SERPINA12: variants seen among roughly 807,000 people sequenced by gnomAD.
SERPINA12 encodes the protein serpin A12.
SERPINA12 carries 21 observed loss-of-function variants against 25.9 expected under a neutral mutation model. That is an observed-to-expected ratio of 0.81 (90% CI 0.58 to 1.17). The LOEUF is 1.17. SERPINA12 is among the 50% of genes most tolerant of loss of function. The pLI, the probability that SERPINA12 is intolerant of heterozygous loss-of-function variation, is 0.00. For synonymous variants in SERPINA12, 220 were observed against 196.0 expected, an observed-to-expected ratio of 1.12 and a Z score of -1.02; for missense variants, 562 against 508.3, an observed-to-expected ratio of 1.11 and a Z score of -1.02.
At chr14:94,500,999 G>T (rs1900693424) in intron 1 of SERPINA12, 2 of 985,206 alleles carry the variant, frequency 2.0e-6, no homozygotes, top group South Asian at 9.4e-5. Flanking sequence ...TGCTCTCTAA[G>T]CACCTTCTAC....
At position 94,487,366 on chromosome 14, in the gene SERPINA12, A is replaced by G. The variant is rs745438558; in HGVS notation, c.1182T>C (p.Ile394=). 1.2e-6 allele frequency: 2 copies of G among 1,614,124 alleles called. No individual in the cohort carries two copies. Among genetic ancestry groups the G allele is most frequent in the Admixed American group, 1.7e-5 (1 of 60,014 alleles). The part of the protein sequence containing the change: ...VKIDKPYLLL[I]YSEKIPSVLF... ...GCACGGAAGGTATTTTCTCGCTGTA[A>G]ATCAGCAGCAGATAGGGTTTGTCTA... Residue 394 remains isoleucine, a synonymous_variant, in exon 5 of 5, where the codon ATT becomes ATC. Coordinates refer to ENST00000677451, the MANE Select transcript of SERPINA12 (RefSeq NM_001382267.1).
At chr14:94,517,805 G>T (rs1901272946) in exon 1 of SERPINA12, 1 of 152,232 alleles carries the variant, frequency 6.6e-6, no homozygotes, top group Non-Finnish European at 1.5e-5. Context: ...CAGACATCCG[G>T]CAGGGGGCTG....
intron 1 of SERPINA12, among the ~76,000 whole-genome samples, chr14:94,505,114 G>A (rs1270833108): frequency 6.6e-6 from 1 of 152,178 alleles, no homozygotes; most frequent in African/African-American, 2.4e-5. Context: ...TTTCACAGTA[G>A]GTCGTATCTG....
At chr14:94,495,048 A>T (rs1295903929) in intron 3 of SERPINA12, among the ~76,000 whole-genome samples, 2 of 150,580 alleles carry the variant, frequency 1.3e-5, no homozygotes, top group Non-Finnish European at 2.9e-5. Context: ...AGCATTCGGA[A>T]TCAGAATTTC....
At chr14:94,487,597 C>T (rs1237748177) in intron 4 of SERPINA12, 103 bp from the exon 5 acceptor site, 2 of 899,798 alleles carry the variant, frequency 2.2e-6, no homozygotes, top group African/African-American at 1.7e-5. Flanking sequence ...TTGGCCCAAG[C>T]CATCCAGCAC....
At chr14:94,489,895 A>ATTCTGT in intron 3 of SERPINA12, 128 bp from the exon 4 acceptor site, 1 of 896,606 alleles carries the variant, frequency 1.1e-6, no homozygotes, top group Non-Finnish European at 1.7e-6. Context: ...CTCCATCCAC[A>ATTCTGT]GAATGAGGAG....
chr14:94,500,224 A>G (rs1900656556), intron 1 of SERPINA12, among the ~76,000 whole-genome samples: 2 of 152,214 alleles, frequency 1.3e-5, no homozygotes, highest in Admixed American at 1.3e-4. Flanking sequence ...GGAAAATTCT[A>G]GTGAATACTG....
At chr14:94,501,679 C>T (rs1446297127) in intron 1 of SERPINA12, among the ~76,000 whole-genome samples, 1 of 141,042 alleles carries the variant, frequency 7.1e-6, no homozygotes, top group East Asian at 2.3e-4. Flanking sequence ...CCCCCACCCC[C>T]GCCCCAAGGG....
chr14:94,509,915 G>A, upstream of SERPINA12: 2 of 900,154 alleles, frequency 2.2e-6, no homozygotes, highest in Non-Finnish European at 2.7e-6. Context: ...GGACAGGAAT[G>A]GGTGTGGGCA....
At chr14:94,493,609 T>G (rs181402336) in intron 3 of SERPINA12, among the ~76,000 whole-genome samples, 2 of 151,542 alleles carry the variant, frequency 1.3e-5, no homozygotes, top group African/African-American at 4.8e-5. Flanking sequence ...ACACCTGGAC[T>G]CCACAAGACA....
In SERPINA12 at chr14:94,496,383, GTAA is replaced by G; in HGVS notation, c.892_894del (p.Leu299del). ...AGGCACCCACTTTACCTGCGTGACA[GTAA>G]TGTTTTCCATCTGGAGAAAGTGTCC... is the stretch of plus-strand genomic sequence containing the variant. On this transcript the variant is annotated inframe_deletion, in exon 3 of 5. Transcript: ENST00000677451. 6.2e-7 allele frequency: 1 copy of G among 1,614,200 alleles called. No individual in the cohort carries two copies.
At chr14:94,499,626 T>G (rs1245124100) in intron 1 of SERPINA12, among the ~76,000 whole-genome samples, 1 of 152,250 alleles carries the variant, frequency 6.6e-6, no homozygotes, top group Non-Finnish European at 1.5e-5. Flanking sequence ...ATAGTCAGCC[T>G]GTCCACAGTA....
chr14:94,504,540 A>G (rs1355894575), intron 1 of SERPINA12, among the ~76,000 whole-genome samples: 1 of 152,340 alleles, frequency 6.6e-6, no homozygotes, highest in East Asian at 1.9e-4. Context: ...GGTCATTCCC[A>G]TGTATCCCTC....
At chr14:94,515,351 G>T (rs1458981819) in intron 2 of SERPINA12, among the ~76,000 whole-genome samples, 4 of 152,264 alleles carry the variant, frequency 2.6e-5, no homozygotes, top group South Asian at 4.2e-4. Flanking sequence ...CATAAAACGG[G>T]AGGAACCCGG....
At chr14:94,494,886 T>C (rs1238055423) in intron 3 of SERPINA12, among the ~76,000 whole-genome samples, 1 of 152,056 alleles carries the variant, frequency 6.6e-6, no homozygotes, top group Non-Finnish European at 1.5e-5. Flanking sequence ...GACCCCTCCT[T>C]TTGTTTCAGT....
At chr14:94,495,289 C>T (rs1331621525) in intron 3 of SERPINA12, among the ~76,000 whole-genome samples, 5 of 151,744 alleles carry the variant, frequency 3.3e-5, no homozygotes, top group Non-Finnish European at 5.9e-5. Context: ...GGGATGGTCT[C>T]GATCTCCTGA....
At chr14:94,493,454 G>A (rs1900260638) in intron 3 of SERPINA12, among the ~76,000 whole-genome samples, 1 of 152,206 alleles carries the variant, frequency 6.6e-6, no homozygotes, top group East Asian at 1.9e-4. Context: ...CTGGCCTCAA[G>A]TCAAGGAGAT....
chr14:94,506,008 C>A (rs901623136), intron 1 of SERPINA12, among the ~76,000 whole-genome samples: 4 of 152,206 alleles, frequency 2.6e-5, no homozygotes, highest in Non-Finnish European at 5.9e-5. Context: ...GAGCAGCCCC[C>A]TTCACGTGCC....
chr14:94,514,931 G>C (rs936344936), intron 2 of SERPINA12, among the ~76,000 whole-genome samples: 1 of 152,224 alleles, frequency 6.6e-6, no homozygotes, highest in Non-Finnish European at 1.5e-5. Flanking sequence ...TCAGGGCCCC[G>C]AGGCAGAGGC....
Sources: gnomAD v4.1 joint callset for allele counts (sites outside exome capture counted in the v4.1 genomes callset) on GRCh38, gnomAD v4.1.1 for gene constraint, MANE v1.5 for transcripts, NCBI Gene and HGNC (gene_info 2026-07-23, HGNC 2026-07-21) for gene names.